Variants in TNR observed in about 807,000 individuals in gnomAD.
TNR encodes the protein tenascin-R.
Under a neutral mutation model 150.4 loss-of-function variants are expected in TNR, and 45 were observed. The ratio of observed to expected loss-of-function variants is 0.30; its 90% confidence interval spans 0.24 to 0.38. The LOEUF (loss-of-function observed/expected upper bound fraction) is 0.38. Among genes scored for constraint, TNR ranks in the 10% least tolerant of loss-of-function variants. The pLI, the probability that TNR is intolerant of heterozygous loss-of-function variation, is 1.00. For synonymous variants in TNR, 687 were observed against 678.4 expected, an observed-to-expected ratio of 1.01 and a Z score of -0.20; for missense variants, 1,544 against 1,759.1, an observed-to-expected ratio of 0.88 and a Z score of 2.19.
At chr1:175,351,239 G>T (rs1651037413) in intron 18 of TNR, among the ~76,000 whole-genome samples, 1 of 152,152 alleles carries the variant, frequency 6.6e-6, no homozygotes, top group African/African-American at 2.4e-5. Context: ...AAGTTTGTAA[G>T]CTGATACCCT....
intron 2 of TNR, among the ~76,000 whole-genome samples, chr1:175,415,472 C>G (rs778815196): frequency 1.5e-4 from 23 of 152,244 alleles, no homozygotes; most frequent in Non-Finnish European, 2.8e-4. Flanking sequence ...CTGGGCCAGC[C>G]TGGGTGCTGC....
intron 2 of TNR, among the ~76,000 whole-genome samples, chr1:175,477,316 C>A (rs1205374960): frequency 6.6e-6 from 1 of 152,116 alleles, no homozygotes; most frequent in East Asian, 1.9e-4. Flanking sequence ...CTCAGAGGAA[C>A]CTGCGTAGAA....
intron 2 of TNR, among the ~76,000 whole-genome samples, chr1:175,417,718 C>T (rs1214749839): frequency 2.6e-5 from 4 of 152,080 alleles, no homozygotes; most frequent in Non-Finnish European, 5.9e-5. Flanking sequence ...AAATTGTACT[C>T]ATCCACATCC....
At position 175,733,098 on chromosome 1, in the gene TNR, G is replaced by A. The variant is rs1006023824; in HGVS notation, c.-165+10128C>T. On this transcript the variant is annotated intron_variant, in intron 1 of 22. Transcript: ENST00000367674. ...CTGGCTCTGGAGTGAGATGCAAAAC[G>A]TTAGAAGTAAAAATGCTATTTTCCC... Among the ~76,000 whole-genome samples, 8 of 152,214 alleles carry A rather than the reference G, an allele frequency of 5.3e-5. 1 individual carries two copies. The South Asian group carries it at 8.3e-4, about 16-fold the overall frequency.
intron 2 of TNR, among the ~76,000 whole-genome samples, chr1:175,472,811 A>G (rs902102551): frequency 6.6e-6 from 1 of 152,202 alleles, no homozygotes; most frequent in Non-Finnish European, 1.5e-5. Flanking sequence ...AATCTGTAAC[A>G]TCTACTATCC....
intron 2 of TNR, among the ~76,000 whole-genome samples, chr1:175,520,201 A>G (rs920461314): frequency 6.6e-6 from 1 of 152,220 alleles, no homozygotes; most frequent in African/African-American, 2.4e-5. Flanking sequence ...GTTGAGGTAG[A>G]CTGAGCTCTA....
chr1:175,382,653 G>C (rs1288864683), intron 8 of TNR, among the ~76,000 whole-genome samples: 2 of 152,164 alleles, frequency 1.3e-5, no homozygotes, highest in Non-Finnish European at 2.9e-5. Context: ...TGTAATCCCA[G>C]CACACAGGGA....
At chr1:175,616,036 A>T (rs1020403895) in intron 1 of TNR, among the ~76,000 whole-genome samples, 1 of 152,228 alleles carries the variant, frequency 6.6e-6, no homozygotes, top group African/African-American at 2.4e-5. Flanking sequence ...TTTAAAAATA[A>T]CTGAGAGAAT....
intron 1 of TNR, among the ~76,000 whole-genome samples, chr1:175,557,251 G>A (rs1661197173): frequency 6.6e-6 from 1 of 152,166 alleles, no homozygotes; most frequent in African/African-American, 2.4e-5. Context: ...GAGACCCTGA[G>A]CCAGAGGACC....
At position 175,703,680 on chromosome 1, in the gene TNR, A is replaced by T. The variant is rs567270650; in HGVS notation, c.-165+39546T>A. ...ATGAGCAAAAGATATGAAAAGGTAAATCACAAAAAAAGAAAGTATAGATGA... is the reference window on the plus strand; with the variant it reads ...ATGAGCAAAAGATATGAAAAGGTAATTCACAAAAAAAGAAAGTATAGATGA... On this transcript the variant is annotated intron_variant, in intron 1 of 22. Coordinates refer to ENST00000367674, the MANE Select transcript of TNR (RefSeq NM_003285.3). Among the ~76,000 whole-genome samples the T allele has an allele frequency of 2.0e-5, 3 of 152,350 alleles. No individual in the cohort carries two copies. In the South Asian group the frequency reaches 6.2e-4, roughly 32 times the overall value.
chr1:175,562,747 CAG>C, intron 1 of TNR, among the ~76,000 whole-genome samples: 1 of 152,316 alleles, frequency 6.6e-6, no homozygotes, highest in Admixed American at 6.5e-5. Flanking sequence ...TGACAAGGGA[CAG>C]AGGGATTTGG....
At chr1:175,686,254 A>C (rs1010212251) in intron 1 of TNR, among the ~76,000 whole-genome samples, 1 of 152,230 alleles carries the variant, frequency 6.6e-6, no homozygotes, top group Admixed American at 6.5e-5. Context: ...TTTCCTGATA[A>C]AACTGAGAAC....
intron 2 of TNR, among the ~76,000 whole-genome samples, chr1:175,414,954 A>AG (rs1557918678): frequency 2.0e-5 from 3 of 150,886 alleles, no homozygotes; most frequent in African/African-American, 7.3e-5. Flanking sequence ...AAAAAAAAAA[A>AG]AGGTGCAGGA....
chr1:175,657,748 C>T (rs1665226230), intron 1 of TNR, among the ~76,000 whole-genome samples: 1 of 111,806 alleles, frequency 8.9e-6, no homozygotes, highest in Non-Finnish European at 1.7e-5. Context: ...GGAAGGGGAA[C>T]ATCACACACT....
chr1:175,614,185 A>T (rs1663690943), intron 1 of TNR, among the ~76,000 whole-genome samples: 1 of 152,226 alleles, frequency 6.6e-6, no homozygotes, highest in Non-Finnish European at 1.5e-5. Flanking sequence ...CATGCCATCA[A>T]AATTCTATTG....
chr1:175,451,012 T>C (rs1656284976), intron 2 of TNR, among the ~76,000 whole-genome samples: 1 of 152,132 alleles, frequency 6.6e-6, no homozygotes. Flanking sequence ...CAAGGCAGAC[T>C]GTGAAGGGGA....
chr1:175,424,621 C>G (rs917627199), intron 2 of TNR, among the ~76,000 whole-genome samples: 3 of 152,136 alleles, frequency 2.0e-5, no homozygotes, highest in Admixed American at 2.0e-4. Context: ...CCAATCTGAA[C>G]AGCAGGGCCC....
At chr1:175,454,736 T>C (rs2102097489) in intron 2 of TNR, among the ~76,000 whole-genome samples, 1 of 152,292 alleles carries the variant, frequency 6.6e-6, no homozygotes, top group South Asian at 2.1e-4. Flanking sequence ...CCTCCCAGAG[T>C]GCTGGGATTA....
At chr1:175,657,480 T>C (rs1665217267) in intron 1 of TNR, among the ~76,000 whole-genome samples, 1 of 152,126 alleles carries the variant, frequency 6.6e-6, no homozygotes, top group Admixed American at 6.5e-5. Flanking sequence ...CGTATGTTTA[T>C]TGTGGCACTA....
Sources: gnomAD v4.1 joint callset for allele counts (sites outside exome capture counted in the v4.1 genomes callset) on GRCh38, gnomAD v4.1.1 for gene constraint, MANE v1.5 for transcripts, NCBI Gene and HGNC (gene_info 2026-07-23, HGNC 2026-07-21) for gene names.